Variants in MRGPRE observed in about 807,000 individuals in gnomAD.
The protein encoded by MRGPRE is mas-related G protein-coupled receptor member E.
For synonymous variants in MRGPRE, 229 were observed against 206.7 expected, an observed-to-expected ratio of 1.11 and a Z score of -0.92; for missense variants, 466 against 433.4, an observed-to-expected ratio of 1.08 and a Z score of -0.67.
Position 3,227,907 on chromosome 11 carries a change from G to GC in MRGPRE, c.892dup (p.Ala298GlyfsTer33). On this transcript the variant is annotated frameshift_variant, in exon 2 of 2. Transcript: ENST00000389832. LOFTEE classifies it low-confidence loss of function (END_TRUNC). The stretch of plus-strand genomic sequence containing the variant: ...GCCCCGGCGGGAGGTCTCCCTGACG[G>GC]CCCCCAGCTCAGCCTCGTCTCCCAG... 6.8e-7 allele frequency: 1 copy of GC among 1,480,108 alleles called. No homozygotes were observed. Among genetic ancestry groups the GC allele is most frequent in the Non-Finnish European group, 9.0e-7 (1 of 1,112,110 alleles). The allele number at this position is 1,480,108 out of a possible 1,614,324, so 91.7% of individuals were successfully genotyped here. A position where few individuals can be genotyped will look rare whatever the true frequency, so the allele number is the denominator to read the frequency against.
At position 3,230,451 on chromosome 11, in the gene MRGPRE, G is replaced by C. The variant is rs1212413418; in HGVS notation, c.-61-1591C>G. 6.6e-6 allele frequency among the ~76,000 whole-genome samples: 1 copy of C among 152,234 alleles called. No individual in the cohort carries two copies. The highest frequency in any genetic ancestry group is 1.5e-5 in the Non-Finnish European group (1 of 68,034). On this transcript the variant is annotated intron_variant, in intron 1 of 1. Coordinates refer to ENST00000389832, the MANE Select transcript of MRGPRE (RefSeq NM_001039165.4). This position sits in a 1 kb window ranked among gnomAD's most constrained non-coding sequence, Gnocchi z 5.5. Reference sequence around the variant, plus strand: ...ATAGGAGCACCCGAGACCATGCAGGGGGACGCTGCGGTGCTGGGATGCTGG... The same window carrying C: ...ATAGGAGCACCCGAGACCATGCAGGCGGACGCTGCGGTGCTGGGATGCTGG...
Position 3,231,605 on chromosome 11 carries a change from G to T in MRGPRE, c.-62+536C>A, listed in dbSNP as rs962994667. 1.3e-5 allele frequency among the ~76,000 whole-genome samples: 2 copies of T among 149,508 alleles called. No individual in the cohort carries two copies. The highest frequency in any genetic ancestry group is 5.0e-5 in the African/African-American group (2 of 40,396). ...GGAGGACGATGGAAGAGAACAGGAG[G>T]GAGGAGGAGGAGGGGGAGGAGAAGG... On this transcript the variant is annotated intron_variant, in intron 1 of 1. Coordinates refer to ENST00000389832, the MANE Select transcript of MRGPRE (RefSeq NM_001039165.4). This position sits in a 1 kb window ranked among gnomAD's most constrained non-coding sequence, Gnocchi z 4.7.
At chr11:3,228,984 CCT>C in intron 1 of MRGPRE, 124 bp from the exon 2 acceptor site, 1 of 558,112 alleles carries the variant, frequency 1.8e-6, no homozygotes, top group Non-Finnish European at 3.2e-6. Flanking sequence ...GGAGAAGACC[CCT>C]CTCTCATTTC....
chr11:3,225,237 C>T lies in MRGPRE; in HGVS notation c.*2624G>A, dbSNP rs1847746515. ...TCACACACACAGTCCTCACCCACAG[C>T]CTCCCTGGGCCCTGAGGACGGAGCG... On this transcript the variant is annotated 3_prime_UTR_variant, in exon 2 of 2. Coordinates refer to ENST00000389832, the MANE Select transcript of MRGPRE (RefSeq NM_001039165.4). Among the ~76,000 whole-genome samples, 1 of 152,250 alleles carries T rather than the reference C, an allele frequency of 6.6e-6. No homozygotes were observed. The highest frequency in any genetic ancestry group is 1.5e-5 in the Non-Finnish European group (1 of 68,048).
Position 3,228,524 on chromosome 11 carries a change from C to A in MRGPRE, c.276G>T (p.Pro92=). 1 of 1,613,840 alleles carries A rather than the reference C, an allele frequency of 6.2e-7. No individual in the cohort carries two copies. Among genetic ancestry groups the A allele is most frequent in the Non-Finnish European group, 8.5e-7 (1 of 1,179,972 alleles). Residue 92 remains proline (P), a synonymous_variant, in exon 2 of 2, where the codon CCG becomes CCT. Transcript: ENST00000389832. ...PDLLQGRLDF[P]GFVQTSLATL... Reference sequence around the variant, plus strand: ...TTGCCAGGCTGGTCTGCACGAAGCCCGGGAAGTCCAGCCGGCCTTGCAGCA... The same window carrying A: ...TTGCCAGGCTGGTCTGCACGAAGCCAGGGAAGTCCAGCCGGCCTTGCAGCA...
chr11:3,226,712 G>T lies in MRGPRE; in HGVS notation c.*1149C>A, dbSNP rs566302946. Among the ~76,000 whole-genome samples, 1 of 152,358 alleles carries T rather than the reference G, an allele frequency of 6.6e-6. No homozygotes were observed. Among genetic ancestry groups the T allele is most frequent in the African/African-American group, 2.4e-5 (1 of 41,580 alleles). On this transcript the variant is annotated 3_prime_UTR_variant, in exon 2 of 2. Coordinates refer to ENST00000389832, the MANE Select transcript of MRGPRE (RefSeq NM_001039165.4). ...ACACTCTCAGATGCCTTGGTCTGTG[G>T]CTAAGAATTGCACTGTGGACTTGGA...
At position 3,225,671 on chromosome 11, in the gene MRGPRE, C is replaced by T. The variant is rs539820996; in HGVS notation, c.*2190G>A. Among the ~76,000 whole-genome samples, 10 of 152,324 alleles carry T rather than the reference C, an allele frequency of 6.6e-5. No individual in the cohort carries two copies. Among genetic ancestry groups the T allele is most frequent in the East Asian group, 1.9e-4 (1 of 5,174 alleles). ...CACAGAACTGGAGGCCAAGCTGGCA[C>T]ATCTGGGGCCAAGGGGATACCCCAC... On this transcript the variant is annotated 3_prime_UTR_variant, in exon 2 of 2. Transcript: ENST00000389832.
Position 3,228,634 on chromosome 11 carries a change from T to A in MRGPRE, c.166A>T (p.Asn56Tyr), listed in dbSNP as rs1847794480. Residue 56 changes from asparagine (N) to tyrosine (Y), a missense_variant, in exon 2 of 2, where the codon AAC becomes TAC. Asn to Tyr is a moderately radical substitution (Grantham distance 143). Transcript: ENST00000389832. ...LWLLSSNVYR[N>Y]PFAIYLLDVA... is the part of the protein sequence containing the mutation. ...TCCAGGAGGTAGATGGCGAAGGGGTTTCTGTAGACATTGGAGCTGAGCAGC... is the reference window on the plus strand; with the variant it reads ...TCCAGGAGGTAGATGGCGAAGGGGTATCTGTAGACATTGGAGCTGAGCAGC... The A allele has an allele frequency of 1.2e-6, 2 of 1,614,070 alleles. No homozygotes were observed. Among genetic ancestry groups the A allele is most frequent in the Non-Finnish European group, 1.7e-6 (2 of 1,179,998 alleles).
rs1847754746 is a variant in MRGPRE at position 3,225,961 on chromosome 11, G to A, written c.*1900C>T. 1 of 152,494 alleles carries A rather than the reference G, an allele frequency of 6.6e-6. No homozygotes were observed. Among genetic ancestry groups the A allele is most frequent in the African/African-American group, 2.4e-5 (1 of 41,468 alleles). The allele number at this position is 152,494 out of a possible 1,614,324, so 9.4% of individuals were successfully genotyped here. On this transcript the variant is annotated 3_prime_UTR_variant, in exon 2 of 2. Transcript: ENST00000389832. ...GGGGTCTGCGTGGGGATGGGGCCAG[G>A]GTTGGGGGAGCCAGTGTGGGGCTGA...
chr11:3,225,696 C>T lies in MRGPRE; in HGVS notation c.*2165G>A, dbSNP rs1847751502. Among the ~76,000 whole-genome samples the T allele has an allele frequency of 6.6e-6, 1 of 152,250 alleles. No individual in the cohort carries two copies. Among genetic ancestry groups the T allele is most frequent in the Non-Finnish European group, 1.5e-5 (1 of 68,038 alleles). ...CATCTGGGGCCAAGGGGATACCCCA[C>T]CAGCATCCTGGGCCATCAGGCCATA... On this transcript the variant is annotated 3_prime_UTR_variant, in exon 2 of 2. Transcript: ENST00000389832.
rs778699064 is a variant in MRGPRE, at chr11:3,227,921, C to T, written c.879G>A (p.Glu293=). The change falls in exon 2 of 2, where the codon GAG becomes GAA. Residue 293 remains glutamate, a synonymous_variant. Transcript: ENST00000389832. ...TCTCCCTGACGGCCCCCAGCTCAGC[C>T]TCGTCTCCCAGCGCTCGCTGGAGGA... is the stretch of plus-strand genomic sequence containing the variant. The part of the protein sequence containing the change: ...RLVLQRALGD[E]AELGAVRETS... 9 of 1,503,326 alleles carry T rather than the reference C, an allele frequency of 6.0e-6. No homozygotes were observed. The African/African-American group carries it at 9.7e-5, about 16-fold the overall frequency. 93.1% of individuals were successfully genotyped at this position (1,503,326 alleles called of 1,614,324 possible). A position where few individuals can be genotyped will look rare whatever the true frequency, so the allele number is the denominator to read the frequency against.
chr11:3,225,309 C>G lies in MRGPRE; in HGVS notation c.*2552G>C, dbSNP rs1847747222. Among the ~76,000 whole-genome samples, 1 of 152,244 alleles carries G rather than the reference C, an allele frequency of 6.6e-6. No individual in the cohort carries two copies. Among genetic ancestry groups the G allele is most frequent in the Non-Finnish European group, 1.5e-5 (1 of 68,040 alleles). On this transcript the variant is annotated 3_prime_UTR_variant, in exon 2 of 2. Coordinates refer to ENST00000389832, the MANE Select transcript of MRGPRE (RefSeq NM_001039165.4). ...TGTTGGCTGCCCCCAGGAGTAGCCG[C>G]CTGTTCTTGGGAATTCTGTGCTGAC... is the stretch of plus-strand genomic sequence containing the variant.
At position 3,228,374 on chromosome 11, in the gene MRGPRE, A is replaced by C. The variant is rs1348374667; in HGVS notation, c.426T>G (p.Cys142Trp). Residue 142 changes from cysteine to tryptophan, a missense_variant, in exon 2 of 2, where the codon TGT becomes TGG. Cys to Trp is a radical substitution (Grantham distance 215). Coordinates refer to ENST00000389832, the MANE Select transcript of MRGPRE (RefSeq NM_001039165.4). ...AGAGGGCCCAGGTGAGGGCGCACAC[A>C]CAGGTGGTCAGGTGGCGTGGGCGGC... is the stretch of plus-strand genomic sequence containing the variant. ...SCRRPRHLTTCVCALTWALCL... is the reference protein window; with the variant it reads ...SCRRPRHLTTWVCALTWALCL... 5 of 1,589,900 alleles carry C rather than the reference A, an allele frequency of 3.1e-6. No homozygotes were observed. The highest frequency in any genetic ancestry group is 1.8e-5 in the Admixed American group (1 of 56,698).
chr11:3,228,394 G>C lies in MRGPRE; in HGVS notation c.406C>G (p.Pro136Ala), dbSNP rs776075442. The part of the protein sequence containing the change: ...LFPAWYSCRR[P>A]RHLTTCVCAL... ...CACACACAGGTGGTCAGGTGGCGTG[G>C]GCGGCGGCACGAGTACCAGGCTGGG... Residue 136 changes from proline to alanine, a missense_variant, in exon 2 of 2, where the codon CCA (proline) becomes GCA (alanine). By Grantham distance (27) the Pro-to-Ala change is conservative. Transcript: ENST00000389832. The C allele has an allele frequency of 4.3e-5, 68 of 1,599,656 alleles. No individual in the cohort carries two copies. Among genetic ancestry groups the C allele is most frequent in the Non-Finnish European group, 5.4e-5 (64 of 1,175,074 alleles).
At position 3,228,195 on chromosome 11, in the gene MRGPRE, C is replaced by A; in HGVS notation, c.605G>T (p.Arg202Leu). The A allele has an allele frequency of 6.4e-7, 1 of 1,560,786 alleles. No individual in the cohort carries two copies. Among genetic ancestry groups the A allele is most frequent in the Non-Finnish European group, 8.7e-7 (1 of 1,152,724 alleles). The change falls in exon 2 of 2, where the codon CGG becomes CTG. Residue 202 changes from arginine to leucine, a missense_variant. Coordinates refer to ENST00000389832, the MANE Select transcript of MRGPRE (RefSeq NM_001039165.4). Reference protein sequence around the residue: ...MCGASLMLLLRVERGPQRPPP... With the variant: ...MCGASLMLLLLVERGPQRPPP... ...GGGCCGCTGGGGGCCTCGCTCCACCCGCAGCAGCAGCATAAGGCTGGCCCC... is the reference window on the plus strand; with the variant it reads ...GGGCCGCTGGGGGCCTCGCTCCACCAGCAGCAGCAGCATAAGGCTGGCCCC...
Position 3,225,679 on chromosome 11 carries a change from G to T in MRGPRE, c.*2182C>A, listed in dbSNP as rs1046343362. ...TGGAGGCCAAGCTGGCACATCTGGGGCCAAGGGGATACCCCACCAGCATCC... is the reference window on the plus strand; with the variant it reads ...TGGAGGCCAAGCTGGCACATCTGGGTCCAAGGGGATACCCCACCAGCATCC... On this transcript the variant is annotated 3_prime_UTR_variant, in exon 2 of 2. Transcript: ENST00000389832. Among the ~76,000 whole-genome samples, 4 of 152,182 alleles carry T rather than the reference G, an allele frequency of 2.6e-5. No homozygotes were observed. Among genetic ancestry groups the T allele is most frequent in the African/African-American group, 4.8e-5 (2 of 41,434 alleles).
chr11:3,226,227 T>TC lies in MRGPRE; in HGVS notation c.*1633dup, dbSNP rs1470370015. ...ATGAATCTGTGCTTTTCCTCCTGGT[T>TC]CTTCCTTGTTCTGGGGGAAGTTTAT... On this transcript the variant is annotated 3_prime_UTR_variant, in exon 2 of 2. Coordinates refer to ENST00000389832, the MANE Select transcript of MRGPRE (RefSeq NM_001039165.4). The TC allele has an allele frequency of 6.6e-6, 1 of 152,310 alleles. No individual in the cohort carries two copies. Among genetic ancestry groups the TC allele is most frequent in the Non-Finnish European group, 1.5e-5 (1 of 68,092 alleles). 9.4% of individuals were successfully genotyped at this position (152,310 alleles called of 1,614,324 possible). A position where few individuals can be genotyped will look rare whatever the true frequency, so the allele number is the denominator to read the frequency against.
chr11:3,227,231 C>T lies in MRGPRE; in HGVS notation c.*630G>A, dbSNP rs1193118244. On this transcript the variant is annotated 3_prime_UTR_variant, in exon 2 of 2. Coordinates refer to ENST00000389832, the MANE Select transcript of MRGPRE (RefSeq NM_001039165.4). The stretch of plus-strand genomic sequence containing the variant: ...TAATATCCAGGGACACCCATGGGGC[C>T]GGCTTTTCTGAAGCTCCGAGTGAGG... Among the ~76,000 whole-genome samples the T allele has an allele frequency of 6.6e-6, 1 of 152,090 alleles. No homozygotes were observed. Among genetic ancestry groups the T allele is most frequent in the Non-Finnish European group, 1.5e-5 (1 of 68,024 alleles).
rs568990558 is a variant in MRGPRE, at chr11:3,230,094, C to A, written c.-61-1234G>T. ...CTAGGAGACTGCCAGGTGCTCAGAGCCGGAGACATGCCTGCAGATACCCGG... is the reference window on the plus strand; with the variant it reads ...CTAGGAGACTGCCAGGTGCTCAGAGACGGAGACATGCCTGCAGATACCCGG... On this transcript the variant is annotated intron_variant, in intron 1 of 1. Coordinates refer to ENST00000389832, the MANE Select transcript of MRGPRE (RefSeq NM_001039165.4). This position sits in a 1 kb window ranked among gnomAD's most constrained non-coding sequence, Gnocchi z 5.5. 6.6e-6 allele frequency among the ~76,000 whole-genome samples: 1 copy of A among 152,266 alleles called. No individual in the cohort carries two copies. Among genetic ancestry groups the A allele is most frequent in the Non-Finnish European group, 1.5e-5 (1 of 68,016 alleles).
Sources: gnomAD v4.1 joint callset for allele counts (sites outside exome capture counted in the v4.1 genomes callset) on GRCh38, gnomAD v4.1.1 for gene constraint, Gnocchi (gnomAD v3.1) non-coding constraint, MANE v1.5 for transcripts, NCBI Gene and HGNC (gene_info 2026-07-23, HGNC 2026-07-21) for gene names.